The following SLC14A2 variants were observed in gnomAD, a reference collection of about 807,000 sequenced individuals.
The protein encoded by SLC14A2 is solute carrier family 14 member 2, also known as urea transporter 2.
SLC14A2 carries 91 observed loss-of-function variants against 104.6 expected under a neutral mutation model. The ratio of observed to expected loss-of-function variants is 0.87; its 90% CI spans 0.73 to 1.04. The LOEUF (loss-of-function observed/expected upper bound fraction) is 1.04. Ranked by LOEUF, SLC14A2 falls within the 50% of genes least tolerant of loss-of-function variation. SLC14A2 has a pLI of 0.00. For synonymous variants in SLC14A2, 476 were observed against 466.4 expected, an observed-to-expected ratio of 1.02 and a Z score of -0.27; for missense variants, 1,189 against 1,156.0, an observed-to-expected ratio of 1.03 and a Z score of -0.41.
At chr18:45,643,521 A>G (rs1397319303) in intron 9 of SLC14A2, among the ~76,000 whole-genome samples, 1 of 151,950 alleles carries the variant, frequency 6.6e-6, no homozygotes, top group Non-Finnish European at 1.5e-5. Context: ...TTGTGGCTCA[A>G]ATTATCTGTT....
chr18:45,580,061 C>T (rs2044467398), intron 2 of SLC14A2, among the ~76,000 whole-genome samples: 1 of 152,032 alleles, frequency 6.6e-6, no homozygotes, highest in African/African-American at 2.4e-5. Context: ...AAATAAATTG[C>T]AGCAGATTAT....
At chr18:45,186,756 T>C in the SLC14A2 span, among the ~76,000 whole-genome samples, 14 of 152,124 alleles carry the variant, frequency 9.2e-5, no homozygotes, top group Admixed American at 2.0e-4. Context: ...ACTTACAAGG[T>C]GGTTGCAATG....
At chr18:45,252,835 G>C (rs1019144494) in intron 1 of SLC14A2, among the ~76,000 whole-genome samples, 1 of 146,508 alleles carries the variant, frequency 6.8e-6, no homozygotes, top group African/African-American at 2.5e-5. Flanking sequence ...CTAATGGAGA[G>C]AGGTCATAGG....
intron 1 of SLC14A2, among the ~76,000 whole-genome samples, chr18:45,398,115 A>G (rs1439904564): frequency 6.6e-6 from 1 of 152,154 alleles, no homozygotes; most frequent in African/African-American, 2.4e-5. Context: ...ATTACTTTAT[A>G]TATGGGAAAA....
Position 45,250,522 on chromosome 18 carries a change from T to C in SLC14A2, c.-125+37331T>C. Among the ~76,000 whole-genome samples the C allele has an allele frequency of 1.3e-5, 2 of 152,202 alleles. 1 individual carries two copies. The highest frequency in any genetic ancestry group is 2.9e-5 in the Non-Finnish European group (2 of 68,050). ...TTGTTTTCTCTCTCACTTTGAGTTT[T>C]TCCTTTCCATCGTTGCTGTACTCAC... On this transcript the variant is annotated intron_variant, in intron 1 of 20. Transcript: ENST00000586448.
intron 1 of SLC14A2, among the ~76,000 whole-genome samples, chr18:45,388,064 CTTTTTTTTTTTTT>C (rs58962313): frequency 1.4e-5 from 1 of 69,092 alleles, no homozygotes; most frequent in African/African-American, 6.0e-5. Flanking sequence ...TTGCTCATAT[CTTTTTTTTTTTTT>C]TTTTTTTTTT....
At chr18:45,616,442 G>A (rs2045073626) in intron 1 of SLC14A2, among the ~76,000 whole-genome samples, 1 of 152,166 alleles carries the variant, frequency 6.6e-6, no homozygotes, top group Non-Finnish European at 1.5e-5. Context: ...TGACTACTCT[G>A]GCTCAGAGTT....
intron 1 of SLC14A2, among the ~76,000 whole-genome samples, chr18:45,397,151 A>G (rs1427109806): frequency 2.0e-5 from 3 of 152,268 alleles, no homozygotes; most frequent in Admixed American, 6.5e-5. Context: ...TTTATGGCAG[A>G]ATGATTTATA....
Position 45,666,993 on chromosome 18 carries a change from C to T in SLC14A2, c.1616C>T (p.Thr539Ile). 1 of 1,613,956 alleles carries T rather than the reference C, an allele frequency of 6.2e-7. No individual in the cohort carries two copies. Among genetic ancestry groups the T allele is most frequent in the Non-Finnish European group, 8.5e-7 (1 of 1,179,814 alleles). ...AAAGTGGAAACAAACATTTCCAAGA[C>T]ATCCTGGATTCGGAGTTCCATGGCT... ...EIKVETNISK[T>I]SWIRSSMAAS... is the part of the protein sequence containing the mutation. The change falls in exon 13 of 20, where the codon ACA (threonine) becomes ATA (isoleucine). Residue 539 changes from threonine to isoleucine, a missense_variant. Thr to Ile is a moderately conservative substitution (Grantham distance 89, BLOSUM62 -1). Coordinates refer to ENST00000255226, the MANE Select transcript of SLC14A2 (RefSeq NM_007163.4).
intron 1 of SLC14A2, among the ~76,000 whole-genome samples, chr18:45,288,341 C>A (rs1267591250): frequency 6.6e-6 from 1 of 152,234 alleles, no homozygotes; most frequent in Non-Finnish European, 1.5e-5. Context: ...TGAGCTGCCT[C>A]ACCCTAGACT....
At chr18:45,517,422 A>G (rs2043457350) in intron 2 of SLC14A2, among the ~76,000 whole-genome samples, 1 of 152,172 alleles carries the variant, frequency 6.6e-6, no homozygotes, top group Admixed American at 6.5e-5. Flanking sequence ...CTCCAAAGCA[A>G]GCCCTGTTGT....
chr18:45,641,430 A>C, intron 8 of SLC14A2, 87 bp downstream of exon 8: 1 of 1,469,166 alleles, frequency 6.8e-7, no homozygotes, highest in Non-Finnish European at 9.4e-7. Context: ...ACCACTAATC[A>C]ATACTGTTCA....
intron 1 of SLC14A2, among the ~76,000 whole-genome samples, chr18:45,392,285 A>G (rs2085978767): frequency 6.6e-6 from 1 of 152,118 alleles, no homozygotes. Context: ...CTGGTTTTGT[A>G]CTGTGTATCT....
intron 1 of SLC14A2, among the ~76,000 whole-genome samples, chr18:45,302,661 C>A (rs1234286356): frequency 1.3e-5 from 2 of 152,108 alleles, no homozygotes; most frequent in African/African-American, 2.4e-5. Flanking sequence ...AACAGACACT[C>A]GGGTTCTATT....
At chr18:45,576,516 C>G (rs1044374791) in intron 2 of SLC14A2, among the ~76,000 whole-genome samples, 3 of 151,836 alleles carry the variant, frequency 2.0e-5, no homozygotes, top group South Asian at 2.1e-4. Flanking sequence ...AACTCCTGAC[C>G]TCATGATCCA....
intron 2 of SLC14A2, among the ~76,000 whole-genome samples, chr18:45,603,523 CA>C (rs1289209384): frequency 6.6e-6 from 1 of 152,128 alleles, no homozygotes; most frequent in Non-Finnish European, 1.5e-5. Flanking sequence ...ATGATAAATT[CA>C]GTGGTTGATG....
intron 1 of SLC14A2, among the ~76,000 whole-genome samples, chr18:45,388,108 A>G (rs2085920261): frequency 8.9e-6 from 1 of 112,804 alleles, no homozygotes; most frequent in Non-Finnish European, 1.6e-5. Flanking sequence ...ACGGAGTCTC[A>G]CTGTGTGCCC....
intron 2 of SLC14A2, among the ~76,000 whole-genome samples, chr18:45,579,582 G>C (rs981397511): frequency 1.3e-5 from 2 of 152,158 alleles, no homozygotes; most frequent in Admixed American, 6.5e-5. Context: ...TCTTTTTTAG[G>C]TATATGTTAA....
chr18:45,381,396 A>T (rs182028302), intron 1 of SLC14A2, among the ~76,000 whole-genome samples: 121 of 152,350 alleles, frequency 7.9e-4, no homozygotes, highest in South Asian at 3.5e-3. Flanking sequence ...CAAATTAAGG[A>T]TCAGAGAAGG....
Sources: allele counts gnomAD v4.1 joint callset (sites outside exome capture counted in the v4.1 genomes callset), GRCh38; gene constraint gnomAD v4.1.1; transcripts MANE v1.5; gene names NCBI Gene and HGNC (gene_info 2026-07-23, HGNC 2026-07-21).